Variants in VPS35L observed in about 807,000 individuals in gnomAD.
VPS35L encodes the protein VPS35 endosomal protein sorting factor like.
Under a neutral mutation model 133.0 loss-of-function variants are expected in VPS35L, and 83 were observed. The ratio of observed to expected loss-of-function variants is 0.62; its 90% CI spans 0.52 to 0.75. The LOEUF (loss-of-function observed/expected upper bound fraction) is 0.75, where lower values mean the gene tolerates loss of function less well. Among genes scored for constraint, VPS35L ranks in the 30% least tolerant of loss-of-function variants. The pLI is 0.00. For missense variants in VPS35L, 1,083 were observed against 1,206.8 expected (o/e 0.90, Z 1.52); for synonymous variants, 423 against 449.9 (o/e 0.94, Z 0.76).
chr16:19,700,713 C>T lies in VPS35L; in HGVS notation c.*237C>T. On this transcript the variant is annotated 3_prime_UTR_variant, in exon 31 of 31. Transcript: ENST00000417362. ...AAGCAGTCTCTGTGTTGTCTTTGCA[C>T]AAGTGGCCTTCGGTCTACTCAGCCC... 1 of 486,322 alleles carries T rather than the reference C, an allele frequency of 2.1e-6. No individual in the cohort carries two copies. Among genetic ancestry groups the T allele is most frequent in the Non-Finnish European group, 3.7e-6 (1 of 273,592 alleles). The allele number at this position is 486,322 out of a possible 1,614,324, so 30.1% of individuals were successfully genotyped here. A position where few individuals can be genotyped will look rare whatever the true frequency, so the allele number is the denominator to read the frequency against.
At chr16:19,637,189 C>A (rs1973647782) in intron 19 of VPS35L, among the ~76,000 whole-genome samples, 1 of 152,196 alleles carries the variant, frequency 6.6e-6, no homozygotes, top group African/African-American at 2.4e-5. Context: ...AAAAAGTTTG[C>A]CCACTATTCA....
chr16:19,678,923 C>T (rs1024139819), intron 27 of VPS35L, among the ~76,000 whole-genome samples: 6 of 152,226 alleles, frequency 3.9e-5, no homozygotes, highest in South Asian at 2.1e-4. Flanking sequence ...CACTACAAAC[C>T]TTTACGTCTC....
chr16:19,656,334 G>A (rs948458301), intron 26 of VPS35L, among the ~76,000 whole-genome samples: 3 of 140,340 alleles, frequency 2.1e-5, no homozygotes, highest in African/African-American at 9.7e-5. Flanking sequence ...TTTAAGGTGG[G>A]TCTTAAAAGA....
At chr16:19,676,677 A>G (rs8053738) in intron 27 of VPS35L, among the ~76,000 whole-genome samples, 13,922 of 152,252 alleles carry the variant, frequency 0.091, 867 homozygotes, top group East Asian at 0.21. Context: ...ATCCTGGAGA[A>G]AAAGGTCCAG....
At chr16:19,575,045 T>C (rs367779889) in intron 4 of VPS35L, 53 bp from the exon 5 acceptor site, 3 of 1,470,246 alleles carry the variant, frequency 2.0e-6, no homozygotes, top group Middle Eastern at 3.5e-4. Flanking sequence ...TGGAAAACAA[T>C]GAACATACTG....
chr16:19,698,164 A>G (rs546397540), intron 29 of VPS35L, among the ~76,000 whole-genome samples: 5 of 152,244 alleles, frequency 3.3e-5, no homozygotes, highest in Middle Eastern at 3.4e-3. Context: ...GAAAGAATCT[A>G]CTTCCTTGTT....
intron 14 of VPS35L, among the ~76,000 whole-genome samples, chr16:19,623,435 C>T (rs1004348001): frequency 6.6e-6 from 1 of 151,982 alleles, no homozygotes; most frequent in Admixed American, 6.6e-5. Flanking sequence ...CGGATCCCAC[C>T]CTTATGACTC....
chr16:19,593,509 A>C (rs73533728), intron 8 of VPS35L, among the ~76,000 whole-genome samples: 2,873 of 152,328 alleles, frequency 0.019, 95 homozygotes, highest in African/African-American at 0.064. Flanking sequence ...AAGTGACAAG[A>C]AAGCTAACTA....
At chr16:19,676,667 A>G (rs1490874813) in intron 27 of VPS35L, among the ~76,000 whole-genome samples, 1 of 152,144 alleles carries the variant, frequency 6.6e-6, no homozygotes, top group Non-Finnish European at 1.5e-5. Flanking sequence ...TCTCCTACTT[A>G]TCCTGGAGAA....
intron 28 of VPS35L, among the ~76,000 whole-genome samples, chr16:19,689,683 T>C (rs1597440245): frequency 6.6e-6 from 1 of 152,114 alleles, no homozygotes; most frequent in Non-Finnish European, 1.5e-5. Flanking sequence ...CTGTACTGAA[T>C]AGGGTGATAA....
intron 18 of VPS35L, among the ~76,000 whole-genome samples, chr16:19,632,616 G>A (rs1973492536): frequency 6.6e-6 from 1 of 152,204 alleles, no homozygotes; most frequent in South Asian, 2.1e-4. Context: ...GCCATTCTTA[G>A]CTTGTGGGCC....
intron 14 of VPS35L, among the ~76,000 whole-genome samples, chr16:19,623,559 A>G (rs1345684739): frequency 6.6e-6 from 1 of 151,996 alleles, no homozygotes. Context: ...CATAGATGGA[A>G]ATCTGAATAA....
chr16:19,658,495 C>T (rs1230000173), intron 26 of VPS35L, among the ~76,000 whole-genome samples: 1 of 152,124 alleles, frequency 6.6e-6, no homozygotes, highest in African/African-American at 2.4e-5. Flanking sequence ...GCACCACTGT[C>T]TCCAGCCTGG....
At chr16:19,644,516 G>A (rs750108125) in intron 22 of VPS35L, among the ~76,000 whole-genome samples, 13 of 152,122 alleles carry the variant, frequency 8.5e-5, no homozygotes, top group Non-Finnish European at 1.3e-4. Flanking sequence ...GGGATTACAG[G>A]TGTGAACCAG....
At chr16:19,570,028 TTTTG>T (rs1255000914) in intron 3 of VPS35L, among the ~76,000 whole-genome samples, 2 of 152,034 alleles carry the variant, frequency 1.3e-5, no homozygotes, top group African/African-American at 4.8e-5. Flanking sequence ...TGTGAAGTCT[TTTTG>T]TTTTTTTGTT....
intron 28 of VPS35L, among the ~76,000 whole-genome samples, chr16:19,690,961 C>CA (rs112601797): frequency 1.2e-3 from 151 of 130,826 alleles, no homozygotes; most frequent in East Asian, 3.6e-3. Flanking sequence ...GACTCCGTCT[C>CA]AAAAAAAAAA....
At chr16:19,570,850 TATATATATATATATATATATATA>T (rs1567388471) in intron 3 of VPS35L, among the ~76,000 whole-genome samples, 1 of 15,044 alleles carries the variant, frequency 6.6e-5, no homozygotes, top group African/African-American at 1.2e-3. Context: ...TATATATATA[TATATATATATATATATATATATA>T]TATATATATA....
intron 8 of VPS35L, among the ~76,000 whole-genome samples, chr16:19,596,629 G>A (rs143322898): frequency 1.7e-3 from 255 of 152,104 alleles, no homozygotes; most frequent in African/African-American, 5.9e-3. Flanking sequence ...TATCCCACCT[G>A]TAATAGCAAA....
intron 12 of VPS35L, among the ~76,000 whole-genome samples, chr16:19,612,248 T>C (rs915256739): frequency 2.7e-5 from 4 of 145,896 alleles, no homozygotes; most frequent in African/African-American, 1.1e-4. Context: ...TTTTTTGTTT[T>C]GTTTTGTTTT....
Sources: allele counts gnomAD v4.1 joint callset (sites outside exome capture counted in the v4.1 genomes callset), GRCh38; gene constraint gnomAD v4.1.1; transcripts MANE v1.5; gene names NCBI Gene and HGNC (gene_info 2026-07-23, HGNC 2026-07-21).